Variants in STRA6 observed in about 807,000 individuals in gnomAD.
The protein encoded by STRA6 is receptor for retinol uptake STRA6.
Under a neutral mutation model 83.6 loss-of-function variants are expected in STRA6, and 48 were observed. The ratio of observed to expected loss-of-function variants is 0.57; its 90% CI spans 0.46 to 0.73. STRA6 has a LOEUF of 0.73. Ranked by LOEUF, STRA6 falls within the 30% of genes least tolerant of loss-of-function variation. The pLI, the probability that STRA6 is intolerant of heterozygous loss-of-function variation, is 0.00. For synonymous variants in STRA6, 353 were observed against 362.3 expected (o/e 0.97, Z 0.29); for missense variants, 760 against 838.8 (o/e 0.91, Z 1.16).
Position 74,196,243 on chromosome 15 carries a change from C to T in STRA6, c.267-96G>A, listed in dbSNP as rs2142055432. The T allele has an allele frequency of 5.8e-6, 9 of 1,542,226 alleles. No homozygotes were observed. In the East Asian group the frequency reaches 1.9e-4, roughly 33 times the overall value. ...ATTCCATAAATCAAGGAGGTGGAGT[C>T]AGTCCCACTTTCTAGATGGGGGAAT... On this transcript the variant is annotated intron_variant, in intron 4 of 18. Coordinates refer to ENST00000395105, the MANE Select transcript of STRA6 (RefSeq NM_022369.4).
chr15:74,202,889 C>G, upstream of STRA6: 1 of 1,000,470 alleles, frequency 1.0e-6, no homozygotes, highest in South Asian at 4.6e-5. Context: ...CACCATAATC[C>G]TTGACAAAGC....
rs200416544 is a variant in STRA6 at position 74,182,137 on chromosome 15, C to T, written c.1520+24G>A. On this transcript the variant is annotated intron_variant, in intron 16 of 18. Transcript: ENST00000395105. ...AAGAAGAGGCGAGGGCCTGAGGGAG[C>T]CACAAGCCCAGATGCCACCTCACCG... The T allele has an allele frequency of 2.0e-3, 3,207 of 1,607,644 alleles. 8 individuals are homozygous for T. The highest frequency in any genetic ancestry group is 2.5e-3 in the Non-Finnish European group (2,940 of 1,174,226).
chr15:74,186,251 T>A (rs2073240562), intron 12 of STRA6, among the ~76,000 whole-genome samples: 1 of 152,216 alleles, frequency 6.6e-6, no homozygotes, highest in African/African-American at 2.4e-5. Context: ...CATGATTTAT[T>A]TCCATCAGAA....
chr15:74,183,668 C>T (rs2073100847), intron 14 of STRA6, 188 bp downstream of exon 14: 8 of 1,524,548 alleles, frequency 5.2e-6, no homozygotes, highest in African/African-American at 1.4e-5. Context: ...GGCTCCTGTA[C>T]CCCCATCCTG....
intron 10 of STRA6, 44 bp downstream of exon 10, chr15:74,191,123 G>A: frequency 1.2e-6 from 2 of 1,607,772 alleles, no homozygotes; most frequent in Non-Finnish European, 8.5e-7. Context: ...GCAAGGGAGG[G>A]TAACGTCCCC....
chr15:74,193,189 A>G (rs2073636863), intron 8 of STRA6, among the ~76,000 whole-genome samples: 2 of 152,202 alleles, frequency 1.3e-5, no homozygotes, highest in African/African-American at 4.8e-5. Flanking sequence ...GCCAAGACCC[A>G]CCCAGTGCTG....
At chr15:74,194,293 A>C in intron 7 of STRA6, 1 of 1,108,710 alleles carries the variant, frequency 9.0e-7, no homozygotes, top group South Asian at 1.9e-5. Flanking sequence ...TTGCCTACAT[A>C]TAGTTTTCAA....
chr15:74,185,489 T>G (rs1337484362), intron 12 of STRA6, among the ~76,000 whole-genome samples: 2 of 152,176 alleles, frequency 1.3e-5, no homozygotes, highest in Non-Finnish European at 2.9e-5. Flanking sequence ...ATGTGAGCCA[T>G]AAGGCCCCAT....
At chr15:74,199,612 C>T (rs1891549209) in intron 2 of STRA6, among the ~76,000 whole-genome samples, 1 of 152,244 alleles carries the variant, frequency 6.6e-6, no homozygotes, top group Non-Finnish European at 1.5e-5. Flanking sequence ...CACCCCTACC[C>T]CCAGAAATGC....
At position 74,191,230 on chromosome 15, in the gene STRA6, T is replaced by G. The variant is rs1441373941; in HGVS notation, c.802A>C (p.Lys268Gln). ...CGGGCCCAGGACAGGAAGCCATGCT[T>G]GGAGGTGTGGTAGCTGCAGAAAGAC... ...KKLGSSYHTS[K>Q]HGFLSWARVC... The change falls in exon 10 of 19, where the codon AAG (lysine) becomes CAG (glutamine). Residue 268 changes from lysine to glutamine, a missense_variant. Physicochemically the swap from Lys to Gln is moderately conservative, Grantham distance 53. Transcript: ENST00000395105. 1 of 1,613,702 alleles carries G rather than the reference T, an allele frequency of 6.2e-7. No homozygotes were observed. The highest frequency in any genetic ancestry group is 1.3e-5 in the African/African-American group (1 of 74,894).
chr15:74,180,344 C>A, intron 18 of STRA6, 101 bp from the exon 19 acceptor site: 5 of 1,484,196 alleles, frequency 3.4e-6, no homozygotes, highest in Admixed American at 1.7e-5. Flanking sequence ...CAGGCGTGTG[C>A]AGGTCGTGAG....
rs2142022338 is a variant in STRA6 at position 74,188,989 on chromosome 15, A to G, written c.1090+126T>C. 8.4e-7 allele frequency: 1 copy of G among 1,184,958 alleles called. No homozygotes were observed. The highest frequency in any genetic ancestry group is 1.2e-6 in the Non-Finnish European group (1 of 832,856). 73.4% of individuals were successfully genotyped at this position (1,184,958 alleles called of 1,614,324 possible). A position where few individuals can be genotyped will look rare whatever the true frequency, so the allele number is the denominator to read the frequency against. On this transcript the variant is annotated intron_variant, in intron 12 of 18. Transcript: ENST00000395105. This position sits in a 1 kb window ranked among gnomAD's most constrained non-coding sequence, Gnocchi z 4.5. ...ACAATTTGGAGATGAGGCAATCGAGACCCAGAGAGAGGAAGGAATGTGTCC... is the reference window on the plus strand; with the variant it reads ...ACAATTTGGAGATGAGGCAATCGAGGCCCAGAGAGAGGAAGGAATGTGTCC...
At chr15:74,194,930 G>GC in intron 7 of STRA6, 1 of 1,423,562 alleles carries the variant, frequency 7.0e-7, no homozygotes, top group Non-Finnish European at 9.1e-7. Context: ...CTTCGCACTT[G>GC]CCGGCCTCCA....
chr15:74,195,002 C>T (rs1192644682), intron 7 of STRA6: 1 of 1,433,764 alleles, frequency 7.0e-7, no homozygotes, highest in Non-Finnish European at 9.1e-7. Flanking sequence ...ATCACTAACA[C>T]AGGCATTGGG....
Position 74,202,700 on chromosome 15 carries a change from CCCACAGACACA to C in STRA6, c.-16+2_-16+12del. On this transcript the variant is annotated splice_donor_variant and splice_donor_5th_base_variant and intron_variant, in intron 1 of 18. Coordinates refer to ENST00000395105, the MANE Select transcript of STRA6 (RefSeq NM_022369.4). LOFTEE classifies it low-confidence loss of function (5UTR_SPLICE). ...CCTTTCCCAAGCCCACCTAGACAGA[CCCACAGACACA>C]CCAGAAGGGAGGCCCAGGGAGGAAG... The C allele has an allele frequency of 2.3e-6, 3 of 1,318,488 alleles. No homozygotes were observed. The highest frequency in any genetic ancestry group is 2.9e-6 in the Non-Finnish European group (3 of 1,038,768). 81.7% of individuals were successfully genotyped at this position (1,318,488 alleles called of 1,614,324 possible).
intron 1 of STRA6, chr15:74,207,800 T>A (rs1323732618): frequency 6.5e-7 from 1 of 1,534,664 alleles, no homozygotes; most frequent in East Asian, 2.5e-5. Context: ...CACAGCACAC[T>A]CACACACACA....
intron 2 of STRA6, among the ~76,000 whole-genome samples, chr15:74,200,282 C>G (rs1421988703): frequency 6.6e-6 from 1 of 152,104 alleles, no homozygotes; most frequent in Non-Finnish European, 1.5e-5. Context: ...AGAGGCAGCT[C>G]CAGGTGGAGG....
In STRA6 at chr15:74,182,477, T is replaced by A. The variant is rs1595824353; in HGVS notation, c.1301-17A>T. On this transcript the variant is annotated splice_polypyrimidine_tract_variant and intron_variant, in intron 14 of 18. Coordinates refer to ENST00000395105, the MANE Select transcript of STRA6 (RefSeq NM_022369.4). ...CCAGGAGCCCTGCCAGGGGCGGGAGTGGCAGGGGGACAGAAAACAGGTTCC... is the reference window on the plus strand; with the variant it reads ...CCAGGAGCCCTGCCAGGGGCGGGAGAGGCAGGGGGACAGAAAACAGGTTCC... The A allele has an allele frequency of 6.3e-7, 1 of 1,590,788 alleles. No individual in the cohort carries two copies. The highest frequency in any genetic ancestry group is 8.6e-7 in the Non-Finnish European group (1 of 1,168,088).
chr15:74,194,797 T>C, intron 7 of STRA6: 1 of 1,285,854 alleles, frequency 7.8e-7, no homozygotes, highest in Non-Finnish European at 9.8e-7. Context: ...TGTCTGGCTC[T>C]AAAGCCTGTA....
Sources: gnomAD v4.1 joint callset for allele counts (sites outside exome capture counted in the v4.1 genomes callset) on GRCh38, gnomAD v4.1.1 for gene constraint, Gnocchi (gnomAD v3.1) non-coding constraint, MANE v1.5 for transcripts, NCBI Gene and HGNC (gene_info 2026-07-23, HGNC 2026-07-21) for gene names.